The following PTPRS variants were observed in gnomAD, a reference collection of about 807,000 sequenced individuals.
PTPRS encodes the protein receptor-type tyrosine-protein phosphatase S.
A neutral mutation model predicts 215.3 loss-of-function variants in PTPRS; 63 were observed. The observed-to-expected ratio is 0.29, with a 90% CI of 0.24 to 0.36. The LOEUF is 0.36. PTPRS is among the 10% of genes least tolerant of loss of function. PTPRS has a pLI of 1.00. For synonymous variants in PTPRS, 1,404 were observed against 1,191.4 expected, an observed-to-expected ratio of 1.18 and a Z score of -3.68; for missense variants, 2,258 against 2,825.8, an observed-to-expected ratio of 0.80 and a Z score of 4.56.
chr19:5,221,960 G>A (rs1269781534), intron 19 of PTPRS, among the ~76,000 whole-genome samples, 163 bp downstream of exon 19: 5 of 152,102 alleles, frequency 3.3e-5, no homozygotes, highest in African/African-American at 4.8e-5. Context: ...TGGGCCCCAA[G>A]TCTGATTCCC....
chr19:5,302,641 C>G (rs1433736826), intron 1 of PTPRS, among the ~76,000 whole-genome samples: 5 of 152,282 alleles, frequency 3.3e-5, no homozygotes, highest in African/African-American at 1.2e-4. Flanking sequence ...GGGCTTTCTT[C>G]CCTGACGTGT....
At chr19:5,276,325 T>C (rs573132580) in intron 2 of PTPRS, among the ~76,000 whole-genome samples, 1 of 147,214 alleles carries the variant, frequency 6.8e-6, no homozygotes, top group African/African-American at 2.5e-5. Context: ...CAGGTTCAAG[T>C]GATTCTCCTA....
At chr19:5,214,800 C>A in intron 28 of PTPRS, 64 bp from the exon 29 acceptor site, 1 of 1,493,490 alleles carries the variant, frequency 6.7e-7, no homozygotes, top group Non-Finnish European at 9.1e-7. Context: ...CTCTGTGTGG[C>A]CAACCACTTC....
At chr19:5,330,440 T>C (rs1467691150) in intron 1 of PTPRS, among the ~76,000 whole-genome samples, 21 of 152,228 alleles carry the variant, frequency 1.4e-4, no homozygotes. Flanking sequence ...CACGGGGGAC[T>C]TTCCGCCCGC....
chr19:5,206,563 C>G lies in PTPRS; in HGVS notation c.*211G>C. On this transcript the variant is annotated 3_prime_UTR_variant, in exon 38 of 38. Transcript: ENST00000262963. ...GAGGAATGTGCCAAGTATTTGAAGG[C>G]GGCGGCCGGTGCCAGGGAGGTCGCT... The G allele has an allele frequency of 2.3e-6, 1 of 437,726 alleles. No individual in the cohort carries two copies. The highest frequency in any genetic ancestry group is 4.2e-6 in the Non-Finnish European group (1 of 239,808). The allele number at this position is 437,726 out of a possible 1,614,324, so 27.1% of individuals were successfully genotyped here.
Position 5,210,954 on chromosome 19 carries a change from T to G in PTPRS, c.5235-149A>C, listed in dbSNP as rs2040821306. The G allele has an allele frequency of 9.2e-7, 1 of 1,085,508 alleles. No homozygotes were observed. The highest frequency in any genetic ancestry group is 1.6e-5 in the African/African-American group (1 of 62,902). The allele number at this position is 1,085,508 out of a possible 1,614,324, so 67.2% of individuals were successfully genotyped here. On this transcript the variant is annotated intron_variant, in intron 33 of 37. Transcript: ENST00000262963. This position sits in a 1 kb window ranked among gnomAD's most constrained non-coding sequence, Gnocchi z 4.5. ...CAGGAATGGCTGCTGGGTGCACCAC[T>G]TCCCCTCCTGGTGATCCCATTTTGC...
At chr19:5,232,826 T>G (rs547553919) in intron 13 of PTPRS, among the ~76,000 whole-genome samples, 1 of 150,246 alleles carries the variant, frequency 6.7e-6, no homozygotes, top group Non-Finnish European at 1.5e-5. Flanking sequence ...TGTCAAACAC[T>G]TACTATGTGC....
At position 5,293,318 on chromosome 19, in the gene PTPRS, T is replaced by G. The variant is rs745539836; in HGVS notation, c.-94-7084A>C. On this transcript the variant is annotated intron_variant, in intron 1 of 37. Transcript: ENST00000262963. The surrounding 1 kb of genome is among the most constrained non-coding windows in gnomAD (Gnocchi z 8.4). ...AGGGGCGGGGCTGTAGGGGGCGGGG[T>G]TGCAGTGGGCGGGGCTGCAGGGGAC... 3 of 141,922 alleles carry G rather than the reference T, an allele frequency of 2.1e-5. No homozygotes were observed. The highest frequency in any genetic ancestry group is 2.6e-5 in the African/African-American group (1 of 38,138). 8.8% of individuals were successfully genotyped at this position (141,922 alleles called of 1,614,324 possible).
At chr19:5,248,582 C>T (rs1435880540) in intron 9 of PTPRS, among the ~76,000 whole-genome samples, 1 of 152,158 alleles carries the variant, frequency 6.6e-6, no homozygotes, top group Admixed American at 6.5e-5. Flanking sequence ...AAAAATCCTT[C>T]GGAACAAACC....
intron 1 of PTPRS, among the ~76,000 whole-genome samples, chr19:5,329,164 G>A (rs894317144): frequency 2.6e-5 from 4 of 152,146 alleles, no homozygotes; most frequent in African/African-American, 7.2e-5. Context: ...GCAGAGCAAG[G>A]ACAAAGGCCT....
rs891371571 is a variant in PTPRS at position 5,283,282 on chromosome 19, CCCAGCACTTTCGCCTGTCACA to C, written c.91+2747_91+2767del. Reference sequence around the variant, plus strand: ...TAACCCCAGCACTTTCTCCTGTCACCCCAGCACTTTCGCCTGTCACACCAGCACTTTCGCCTGTAATCCCAG... The same window carrying C: ...TAACCCCAGCACTTTCTCCTGTCACCCCAGCACTTTCGCCTGTAATCCCAG... On this transcript the variant is annotated intron_variant, in intron 2 of 37. Transcript: ENST00000262963. 1.5e-4 allele frequency among the ~76,000 whole-genome samples: 11 copies of C among 75,126 alleles called. No homozygotes were observed. In the South Asian group the frequency reaches 2.2e-3, roughly 15 times the overall value. 49.3% of individuals were successfully genotyped at this position (75,126 alleles called of 152,430 possible).
intron 5 of PTPRS, among the ~76,000 whole-genome samples, chr19:5,263,812 G>C (rs2046204229): frequency 6.6e-6 from 1 of 152,230 alleles, no homozygotes; most frequent in South Asian, 2.1e-4. Flanking sequence ...GTGCACGTGT[G>C]GCCGAGATGC....
intron 30 of PTPRS, among the ~76,000 whole-genome samples, chr19:5,212,726 T>C (rs142101433): frequency 0.042 from 6,371 of 152,010 alleles, 460 homozygotes; most frequent in African/African-American, 0.15. Context: ...GCCTGTAATC[T>C]CAGCTACTTG....
intron 24 of PTPRS, 106 bp downstream of exon 24, chr19:5,218,681 G>A (rs1319845635): frequency 1.3e-6 from 2 of 1,529,636 alleles, no homozygotes; most frequent in African/African-American, 2.7e-5. Flanking sequence ...ACGTGTACAA[G>A]CTGTGGGGGC....
intron 37 of PTPRS, 120 bp from the exon 38 acceptor site, chr19:5,206,962 T>G: frequency 1.2e-6 from 1 of 850,074 alleles, no homozygotes; most frequent in East Asian, 2.6e-5. Context: ...GCAGAAGGTC[T>G]CTTTGGCCCC....
chr19:5,267,251 C>G (rs1175602899), intron 4 of PTPRS, among the ~76,000 whole-genome samples: 3 of 152,048 alleles, frequency 2.0e-5, no homozygotes, highest in Non-Finnish European at 4.4e-5. Flanking sequence ...AAACTCAGGT[C>G]CCTGGAATCT....
At chr19:5,307,200 C>T (rs771568700) in intron 1 of PTPRS, among the ~76,000 whole-genome samples, 6 of 152,056 alleles carry the variant, frequency 3.9e-5, no homozygotes, top group Non-Finnish European at 7.4e-5. Context: ...CCCAGCAACT[C>T]GGGATGCTGA....
chr19:5,268,627 C>T (rs967166778), intron 4 of PTPRS, among the ~76,000 whole-genome samples: 1 of 152,032 alleles, frequency 6.6e-6, no homozygotes, highest in Non-Finnish European at 1.5e-5. Flanking sequence ...AGTTCCAGCT[C>T]GGGGGTCACT....
intron 1 of PTPRS, among the ~76,000 whole-genome samples, chr19:5,330,367 G>A (rs542489133): frequency 1.7e-4 from 26 of 152,368 alleles, no homozygotes; most frequent in Admixed American, 1.7e-3. Flanking sequence ...GTTCTGAGGA[G>A]GAAATGAGAA....
Sources: allele counts gnomAD v4.1 joint callset (sites outside exome capture counted in the v4.1 genomes callset), GRCh38; gene constraint gnomAD v4.1.1; non-coding constraint Gnocchi (gnomAD v3.1); transcripts MANE v1.5; gene names NCBI Gene and HGNC (gene_info 2026-07-23, HGNC 2026-07-21).